Variants in SZT2 observed in about 807,000 individuals in gnomAD.
SZT2 encodes SZT2 subunit of KICSTOR complex.
A neutral mutation model predicts 404.2 loss-of-function variants in SZT2; 216 were observed. That is an observed-to-expected ratio of 0.53 (90% CI 0.48 to 0.60). The LOEUF (loss-of-function observed/expected upper bound fraction) is 0.60. SZT2 is among the 20% of genes least tolerant of loss of function. The pLI, the probability that SZT2 is intolerant of heterozygous loss-of-function variation, is 0.00. For missense variants in SZT2, 3,857 were observed against 4,459.2 expected, an observed-to-expected ratio of 0.86 and a Z score of 3.85; for synonymous variants, 1,693 against 1,749.9, an observed-to-expected ratio of 0.97 and a Z score of 0.81.
rs765576709 is a variant in SZT2, at chr1:43,431,536, C to A, written c.5088+13C>A. On this transcript the variant is annotated intron_variant, in intron 35 of 71. Transcript: ENST00000634258. ...CACCATGAATGAGGTGAGCCCCCCA[C>A]CCCCAACACTGTAACTGATTCCCTT... The A allele has an allele frequency of 6.2e-7, 1 of 1,614,022 alleles. No homozygotes were observed. Among genetic ancestry groups the A allele is most frequent in the Non-Finnish European group, 8.5e-7 (1 of 1,179,926 alleles).
At chr1:43,407,674 T>A (rs1021370489) in intron 4 of SZT2, among the ~76,000 whole-genome samples, 4 of 151,900 alleles carry the variant, frequency 2.6e-5, no homozygotes, top group African/African-American at 7.3e-5. Flanking sequence ...AAGAAAAAAG[T>A]TAATTCACAT....
In SZT2 at chr1:43,448,419, G is replaced by A. The variant is rs1426033354; in HGVS notation, c.9904G>A (p.Ala3302Thr). The A allele has an allele frequency of 6.3e-7, 1 of 1,594,160 alleles. No individual in the cohort carries two copies. Among genetic ancestry groups the A allele is most frequent in the Non-Finnish European group, 8.5e-7 (1 of 1,170,584 alleles). The change falls in exon 69 of 72, where the codon GCA becomes ACA. Residue 3302 changes from alanine to threonine, a missense_variant. Physicochemically the swap from Ala to Thr is moderately conservative, Grantham distance 58. Around this residue, in one of 7 missense-constraint regions of SZT2, gnomAD observed 717 missense variants for 868.2 expected, o/e 0.83. Coordinates refer to ENST00000634258, the MANE Select transcript of SZT2 (RefSeq NM_001365999.1). This position sits in a 1 kb window ranked among gnomAD's most constrained non-coding sequence, Gnocchi z 4.2. Reference protein sequence around the residue: ...RLRLGGRLALAELEELLEAVH... With the variant: ...RLRLGGRLALTELEELLEAVH... ...GCGGCTAGGGGGGCGCCTGGCCCTG[G>A]CAGAGCTGGAGGAACTCCTAGAAGC...
At position 43,447,832 on chromosome 1, in the gene SZT2, C is replaced by T. The variant is rs767696276; in HGVS notation, c.9441-17C>T. 1 of 1,613,848 alleles carries T rather than the reference C, an allele frequency of 6.2e-7. No homozygotes were observed. The highest frequency in any genetic ancestry group is 1.3e-5 in the African/African-American group (1 of 74,872). ...TAGAACCCCAGAGTTGACATCTCCCCAACCCGTCCTGCACAGTTCTGGCTC... is the reference window on the plus strand; with the variant it reads ...TAGAACCCCAGAGTTGACATCTCCCTAACCCGTCCTGCACAGTTCTGGCTC... On this transcript the variant is annotated splice_polypyrimidine_tract_variant and intron_variant, in intron 67 of 71. Coordinates refer to ENST00000634258, the MANE Select transcript of SZT2 (RefSeq NM_001365999.1).
Position 43,450,197 on chromosome 1 carries a change from TCAGCCTCATGG to T in SZT2, c.10155+27_10155+37del. 6 of 1,614,086 alleles carry T rather than the reference TCAGCCTCATGG, an allele frequency of 3.7e-6. No homozygotes were observed. The highest frequency in any genetic ancestry group is 5.1e-6 in the Non-Finnish European group (6 of 1,179,956). On this transcript the variant is annotated intron_variant, in intron 71 of 71. Coordinates refer to ENST00000634258, the MANE Select transcript of SZT2 (RefSeq NM_001365999.1). This position sits in a 1 kb window ranked among gnomAD's most constrained non-coding sequence, Gnocchi z 4.3. ...GTAAGAACGAGTGGGGGGCTTTGTG[TCAGCCTCATGG>T]GAGGCCGTACCCCAAATGCTCCACC... is the stretch of plus-strand genomic sequence containing the variant.
At chr1:43,434,007 C>T (rs538784765) in intron 40 of SZT2, among the ~76,000 whole-genome samples, 2 of 152,244 alleles carry the variant, frequency 1.3e-5, no homozygotes, top group African/African-American at 2.4e-5. Context: ...CACTACTGCT[C>T]TCATCTCGGG....
Position 43,452,216 on chromosome 1 carries a change from C to T in SZT2, c.*1736C>T, listed in dbSNP as rs766084255. ...TCCACCTTTCTCACCTGAGCCAAAA[C>T]CCCAGCTGCATGCCTCAGGTTCTCC... On this transcript the variant is annotated 3_prime_UTR_variant, in exon 72 of 72. Transcript: ENST00000634258. 3.7e-6 allele frequency: 6 copies of T among 1,612,826 alleles called. No homozygotes were observed. In the East Asian group the frequency reaches 8.9e-5, roughly 24 times the overall value.
chr1:43,419,168 A>C (rs74069987), intron 7 of SZT2, among the ~76,000 whole-genome samples: 30,673 of 152,212 alleles, frequency 0.2, 3,380 homozygotes, highest in East Asian at 0.41. Flanking sequence ...CAGACAATAC[A>C]AAATGAATGT....
In SZT2 at chr1:43,430,637, A is replaced by C; in HGVS notation, c.4622A>C (p.Glu1541Ala). ...LSDVDTVNPD[E>A]DSFSILGGDS... Reference sequence around the variant, plus strand: ...GACGTAGACACTGTGAATCCTGATGAAGACTCCTTCAGTATCTTGGGGGGC... The same window carrying C: ...GACGTAGACACTGTGAATCCTGATGCAGACTCCTTCAGTATCTTGGGGGGC... Residue 1541 changes from glutamate (E) to alanine (A), a missense_variant, in exon 32 of 72, where the codon GAA (glutamate) becomes GCA (alanine). By Grantham distance (107) the Glu-to-Ala change is moderately radical (BLOSUM62 -1). This residue lies in a region of SZT2 where 1,725 missense variants were observed against 1,881.0 expected (regional missense o/e 0.92). Coordinates refer to ENST00000634258, the MANE Select transcript of SZT2 (RefSeq NM_001365999.1). 1 of 1,614,132 alleles carries C rather than the reference A, an allele frequency of 6.2e-7. No homozygotes were observed. The highest frequency in any genetic ancestry group is 8.5e-7 in the Non-Finnish European group (1 of 1,180,026).
chr1:43,426,121 C>T lies in SZT2; in HGVS notation c.3013C>T (p.Leu1005Phe). The change falls in exon 21 of 72, where the codon CTC (leucine) becomes TTC (phenylalanine). Residue 1005 changes from leucine to phenylalanine, a missense_variant. Leu to Phe is a conservative substitution (Grantham distance 22, BLOSUM62 0). This residue lies in a region of SZT2 where 1,725 missense variants were observed against 1,881.0 expected (regional missense o/e 0.92). Transcript: ENST00000634258. This position sits in a 1 kb window ranked among gnomAD's most constrained non-coding sequence, Gnocchi z 4.9. ...LMGLLPQCQQ[L>F]QMFFLLLARE... Reference sequence around the variant, plus strand: ...GGGATTGCTGCCACAGTGCCAGCAGCTCCAGATGTTCTTCCTCTTGCTTGC... The same window carrying T: ...GGGATTGCTGCCACAGTGCCAGCAGTTCCAGATGTTCTTCCTCTTGCTTGC... The T allele has an allele frequency of 6.2e-7, 1 of 1,614,192 alleles. No individual in the cohort carries two copies. Among genetic ancestry groups the T allele is most frequent in the Non-Finnish European group, 8.5e-7 (1 of 1,180,028 alleles).
chr1:43,404,339 C>A (rs756280392), intron 3 of SZT2, 41 bp from the exon 4 acceptor site: 3 of 1,574,594 alleles, frequency 1.9e-6, no homozygotes, highest in East Asian at 4.5e-5. Context: ...CTGGTTAGGG[C>A]TGCCTTTGGA....
In SZT2 at chr1:43,450,819, G is replaced by T; in HGVS notation, c.*339G>T. The T allele has an allele frequency of 1.4e-6, 1 of 707,948 alleles. No homozygotes were observed. Among genetic ancestry groups the T allele is most frequent in the African/African-American group, 1.7e-5 (1 of 58,122 alleles). The allele number at this position is 707,948 out of a possible 1,614,324, so 43.9% of individuals were successfully genotyped here. A position where few individuals can be genotyped will look rare whatever the true frequency, so the allele number is the denominator to read the frequency against. ...GGCAAACACCCCCTAGAGCTCCTCTGCCTGAATCCTGCCCCCTAGCCTTTG... is the reference window on the plus strand; with the variant it reads ...GGCAAACACCCCCTAGAGCTCCTCTTCCTGAATCCTGCCCCCTAGCCTTTG... On this transcript the variant is annotated 3_prime_UTR_variant, in exon 72 of 72. Transcript: ENST00000634258. This position sits in a 1 kb window ranked among gnomAD's most constrained non-coding sequence, Gnocchi z 4.3.
At chr1:43,421,027 A>T (rs1652295568) in intron 10 of SZT2, 44 bp downstream of exon 10, 12 of 1,594,830 alleles carry the variant, frequency 7.5e-6, no homozygotes, top group Non-Finnish European at 9.3e-6. Context: ...CATTTGTTGT[A>T]TGGAGGGACA....
chr1:43,421,438 C>G, intron 11 of SZT2, 135 bp downstream of exon 11: 1 of 1,257,750 alleles, frequency 8.0e-7, no homozygotes, highest in Non-Finnish European at 1.1e-6. Context: ...CAAGCTTTAA[C>G]CTTGAGAGCT....
rs190682665 is a variant in SZT2 at position 43,406,018 on chromosome 1, G to A, written c.498+1468G>A. On this transcript the variant is annotated intron_variant, in intron 4 of 71. Transcript: ENST00000634258. ...ACCGATAAGATGACTCAGGTGCTAT[G>A]GGAGCACCAAGAGGGAGCACCCAAC... 143 of 153,846 alleles carry A rather than the reference G, an allele frequency of 9.3e-4. 1 individual carries two copies. Among genetic ancestry groups the A allele is most frequent in the Middle Eastern group, 3.3e-3 (1 of 302 alleles). 9.5% of individuals were successfully genotyped at this position (153,846 alleles called of 1,614,324 possible).
chr1:43,430,954 G>A lies in SZT2; in HGVS notation c.4780G>A (p.Val1594Met). ...TAACTTTCCCCCTCTCCCAGGCCAGGTGCTTTCCAGTCTGGAGGGCCCCCC... is the reference window on the plus strand; with the variant it reads ...TAACTTTCCCCCTCTCCCAGGCCAGATGCTTTCCAGTCTGGAGGGCCCCCC... ...VCSLPTCLGQ[V>M]LSSLEGPPVG... The change falls in exon 33 of 72, where the codon GTG (valine) becomes ATG (methionine). Residue 1594 changes from valine to methionine, a missense_variant. Val to Met is a conservative substitution (Grantham distance 21). Around this residue, in one of 7 missense-constraint regions of SZT2, gnomAD observed 1,725 missense variants for 1,881.0 expected, o/e 0.92. Coordinates refer to ENST00000634258, the MANE Select transcript of SZT2 (RefSeq NM_001365999.1). 1 of 1,613,072 alleles carries A rather than the reference G, an allele frequency of 6.2e-7. No individual in the cohort carries two copies. Among genetic ancestry groups the A allele is most frequent in the East Asian group, 2.2e-5 (1 of 44,886 alleles).
chr1:43,431,379 C>T lies in SZT2; in HGVS notation c.5024+7C>T, dbSNP rs764960576. 41 of 1,612,074 alleles carry T rather than the reference C, an allele frequency of 2.5e-5. No homozygotes were observed. Among genetic ancestry groups the T allele is most frequent in the Non-Finnish European group, 3.5e-5 (41 of 1,178,150 alleles). On this transcript the variant is annotated splice_region_variant and intron_variant, in intron 34 of 71. Transcript: ENST00000634258. ...CACCCCCAGAAGAGGAGAGGTACTT[C>T]TTTATCTCCCTGTCAGAGTTCATTA...
chr1:43,400,332 C>T (rs377055928), intron 1 of SZT2, among the ~76,000 whole-genome samples: 6 of 152,252 alleles, frequency 3.9e-5, no homozygotes, highest in African/African-American at 1.4e-4. Context: ...CTGATTATGT[C>T]AAAACATCCT....
At position 43,451,610 on chromosome 1, in the gene SZT2, G is replaced by T; in HGVS notation, c.*1130G>T. 6.2e-7 allele frequency: 1 copy of T among 1,613,994 alleles called. No individual in the cohort carries two copies. Among genetic ancestry groups the T allele is most frequent in the South Asian group, 1.1e-5 (1 of 91,046 alleles). On this transcript the variant is annotated 3_prime_UTR_variant, in exon 72 of 72. Coordinates refer to ENST00000634258, the MANE Select transcript of SZT2 (RefSeq NM_001365999.1). Reference sequence around the variant, plus strand: ...CCAGGGCCTGAAGGACAGATGTGGGGATTGAAAGGGTGGGAGGGCAAAGGA... The same window carrying T: ...CCAGGGCCTGAAGGACAGATGTGGGTATTGAAAGGGTGGGAGGGCAAAGGA...
At position 43,441,461 on chromosome 1, in the gene SZT2, G is replaced by A. The variant is rs775665985; in HGVS notation, c.7512-43G>A. On this transcript the variant is annotated intron_variant, in intron 53 of 71. Transcript: ENST00000634258. The surrounding 1 kb of genome is among the most constrained non-coding windows in gnomAD (Gnocchi z 4.8). ...GGCCTTGGTCTGTATAAACATACAA[G>A]TGTCATGTATGGACATGAGGCTCTT... is the stretch of plus-strand genomic sequence containing the variant. 4.3e-6 allele frequency: 7 copies of A among 1,610,552 alleles called. No homozygotes were observed. Among genetic ancestry groups the A allele is most frequent in the East Asian group, 2.2e-5 (1 of 44,844 alleles).
Sources: allele counts gnomAD v4.1 joint callset (sites outside exome capture counted in the v4.1 genomes callset), GRCh38; gene constraint gnomAD v4.1.1; regional missense constraint gnomAD v4.1.1; non-coding constraint Gnocchi (gnomAD v3.1); transcripts MANE v1.5; gene names NCBI Gene and HGNC (gene_info 2026-07-23, HGNC 2026-07-21).